The following TPX2 variants were observed in gnomAD, a reference collection of about 807,000 sequenced individuals.
TPX2 encodes TPX2 microtubule nucleation factor, also known as targeting protein for Xklp2.
A neutral mutation model predicts 93.6 loss-of-function variants in TPX2; 21 were observed. The ratio of observed to expected loss-of-function variants is 0.22; its 90% CI spans 0.16 to 0.32. TPX2 has a LOEUF of 0.32. Ranked by LOEUF, TPX2 falls within the 10% of genes least tolerant of loss-of-function variation. The pLI is 1.00. For missense variants in TPX2, 776 were observed against 871.1 expected (o/e 0.89, Z 1.37); for synonymous variants, 281 against 298.3 (o/e 0.94, Z 0.60).
chr20:31,800,054 G>T (rs539454710), intron 17 of TPX2, among the ~76,000 whole-genome samples: 1 of 152,114 alleles, frequency 6.6e-6, no homozygotes, highest in Non-Finnish European at 1.5e-5. Context: ...CAAGAAAAGC[G>T]TGGGCAACAT....
chr20:31,782,881 TACACACATACACAC>T (rs1382011057), intron 11 of TPX2, among the ~76,000 whole-genome samples: 1 of 94,716 alleles, frequency 1.1e-5, no homozygotes, highest in African/African-American at 4.2e-5. Context: ...GTCTTGCACA[TACACACATACACAC>T]ACACACACAC....
chr20:31,743,921 A>C (rs2061767918), intron 2 of TPX2, among the ~76,000 whole-genome samples: 1 of 151,356 alleles, frequency 6.6e-6, no homozygotes, highest in Non-Finnish European at 1.5e-5. Flanking sequence ...GGGTTTCTCC[A>C]TGTTGGTCAG....
chr20:31,757,669 A>G, intron 3 of TPX2, 87 bp downstream of exon 3: 1 of 985,356 alleles, frequency 1.0e-6, no homozygotes, highest in Admixed American at 2.3e-5. Context: ...GGTTGCAAGA[A>G]AAGAACTAAA....
At chr20:31,753,742 C>T (rs2061833949) in intron 2 of TPX2, among the ~76,000 whole-genome samples, 1 of 152,102 alleles carries the variant, frequency 6.6e-6, no homozygotes, top group Non-Finnish European at 1.5e-5. Flanking sequence ...ACAGATGTTT[C>T]TGGCCGGGTG....
chr20:31,765,278 T>C (rs2061917365), intron 4 of TPX2, among the ~76,000 whole-genome samples: 1 of 143,402 alleles, frequency 7.0e-6, no homozygotes, highest in Non-Finnish European at 1.5e-5. Context: ...GGCAATATAC[T>C]GAGACCCCCA....
At chr20:31,787,008 C>A (rs1180696149) in intron 12 of TPX2, among the ~76,000 whole-genome samples, 1 of 151,984 alleles carries the variant, frequency 6.6e-6, no homozygotes, top group Admixed American at 6.6e-5. Flanking sequence ...GGGTACATCA[C>A]AGAGGGAGCC....
intron 5 of TPX2, among the ~76,000 whole-genome samples, chr20:31,767,298 G>A (rs769154939): frequency 3.3e-5 from 5 of 152,188 alleles, no homozygotes; most frequent in East Asian, 1.9e-4. Flanking sequence ...GTTTCCAAAG[G>A]CCTTGTATGG....
chr20:31,775,805 C>A, intron 7 of TPX2, 62 bp from the exon 8 acceptor site: 1 of 1,393,800 alleles, frequency 7.2e-7, no homozygotes, highest in Non-Finnish European at 9.4e-7. Context: ...CCTGTAGATT[C>A]TTTTGAGTCA....
chr20:31,782,937 CT>C (rs955598335), intron 11 of TPX2, among the ~76,000 whole-genome samples: 4 of 149,530 alleles, frequency 2.7e-5, no homozygotes, highest in African/African-American at 9.9e-5. Flanking sequence ...CACACAAAAT[CT>C]AATCCAGAGG....
At position 31,775,904 on chromosome 20, in the gene TPX2, G is replaced by A; in HGVS notation, c.646G>A (p.Glu216Lys). ...FLKSTEEQELEKSMKMQQEVV... is the reference protein window; with the variant it reads ...FLKSTEEQELKKSMKMQQEVV... ...AAAAAGTACTGAGGAGCAAGAGCTGGAGAAGAGTATGAAAATGCAGCAAGA... is the reference window on the plus strand; with the variant it reads ...AAAAAGTACTGAGGAGCAAGAGCTGAAGAAGAGTATGAAAATGCAGCAAGA... Residue 216 changes from glutamate (E) to lysine (K), a missense_variant, in exon 8 of 18, where the codon GAG becomes AAG. By Grantham distance (56) the Glu-to-Lys change is moderately conservative. Transcript: ENST00000300403. The A allele has an allele frequency of 1.9e-6, 3 of 1,605,918 alleles. No individual in the cohort carries two copies. The highest frequency in any genetic ancestry group is 2.6e-6 in the Non-Finnish European group (3 of 1,175,788).
At chr20:31,754,145 G>C (rs1043883184) in intron 2 of TPX2, among the ~76,000 whole-genome samples, 1 of 151,998 alleles carries the variant, frequency 6.6e-6, no homozygotes, top group African/African-American at 2.4e-5. Context: ...TGTCTCCCAG[G>C]CTGGAGTGCA....
intron 17 of TPX2, among the ~76,000 whole-genome samples, chr20:31,800,374 T>C (rs939349420): frequency 6.6e-6 from 1 of 152,212 alleles, no homozygotes; most frequent in African/African-American, 2.4e-5. Context: ...CTTGCAGCAA[T>C]TCTCAACATA....
At chr20:31,769,087 TGTA>T (rs1444421497) in intron 5 of TPX2, among the ~76,000 whole-genome samples, 3 of 152,116 alleles carry the variant, frequency 2.0e-5, no homozygotes, top group Admixed American at 2.0e-4. Context: ...AAAGAATACT[TGTA>T]GTAGTGTGGT....
At chr20:31,764,116 ATG>A (rs34121530) in intron 4 of TPX2, among the ~76,000 whole-genome samples, 62,517 of 150,804 alleles carry the variant, frequency 0.41, 16,714 homozygotes, top group African/African-American at 0.76. Flanking sequence ...ATATACATGT[ATG>A]TGTGTATATA....
chr20:31,760,267 GCTCTAT>G, intron 4 of TPX2, 88 bp downstream of exon 4: 1 of 1,522,410 alleles, frequency 6.6e-7, no homozygotes, highest in Non-Finnish European at 8.9e-7. Context: ...TTACCTAAAT[GCTCTAT>G]CTCTTTGTTT....
At chr20:31,761,266 G>A (rs555369244) in intron 4 of TPX2, among the ~76,000 whole-genome samples, 14 of 145,520 alleles carry the variant, frequency 9.6e-5, no homozygotes, top group African/African-American at 3.3e-4. Flanking sequence ...CAGTGGTATA[G>A]TCTCGGCTCA....
chr20:31,758,148 A>C (rs1005123607), intron 3 of TPX2, among the ~76,000 whole-genome samples: 1 of 124,954 alleles, frequency 8.0e-6, no homozygotes, highest in African/African-American at 3.1e-5. Flanking sequence ...TTGAGGCTGT[A>C]GTCTCGCTCT....
chr20:31,797,397 C>A lies in TPX2; in HGVS notation c.1834-7C>A. 6.2e-7 allele frequency: 1 copy of A among 1,613,776 alleles called. No individual in the cohort carries two copies. On this transcript the variant is annotated splice_region_variant and splice_polypyrimidine_tract_variant and intron_variant, in intron 15 of 17. Coordinates refer to ENST00000300403, the MANE Select transcript of TPX2 (RefSeq NM_012112.5). ...ATTGCTCATCTGACTGACTTTCTCT[C>A]TAATAGCTGGAAGAAGAACTGAGAC...
intron 2 of TPX2, among the ~76,000 whole-genome samples, chr20:31,746,531 A>G (rs17093567): frequency 0.013 from 1,927 of 152,096 alleles, 32 homozygotes; most frequent in African/African-American, 0.045. Context: ...TTATTCTATT[A>G]TATTACCAGT....
Sources: gnomAD v4.1 joint callset for allele counts (sites outside exome capture counted in the v4.1 genomes callset) on GRCh38, gnomAD v4.1.1 for gene constraint, MANE v1.5 for transcripts, NCBI Gene and HGNC (gene_info 2026-07-23, HGNC 2026-07-21) for gene names.